EPHB1: variants seen among roughly 807,000 people sequenced by gnomAD.
EPHB1 encodes the protein ephrin type-B receptor 1.
In EPHB1, 30 loss-of-function variants were observed where a neutral mutation model predicts 94.4. The observed-to-expected ratio is 0.32, with a 90% CI of 0.24 to 0.43. The LOEUF is 0.43. EPHB1 is among the 20% of genes least tolerant of loss of function. The pLI is 1.00. For missense variants in EPHB1, 1,055 were observed against 1,308.3 expected, an observed-to-expected ratio of 0.81 and a Z score of 2.99; for synonymous variants, 522 against 489.1, an observed-to-expected ratio of 1.07 and a Z score of -0.89.
chr3:135,119,938 T>G lies in EPHB1; in HGVS notation c.962-12776T>G, dbSNP rs114437647. ...TTTCTTTTATTATATACTAACTGTTTGTGTATGTTTGTCTTTATTCTTTCT... is the reference window on the plus strand; with the variant it reads ...TTTCTTTTATTATATACTAACTGTTGGTGTATGTTTGTCTTTATTCTTTCT... On this transcript the variant is annotated intron_variant, in intron 4 of 15. Coordinates refer to ENST00000398015, the MANE Select transcript of EPHB1 (RefSeq NM_004441.5). 2.8e-3 allele frequency among the ~76,000 whole-genome samples: 424 copies of G among 152,340 alleles called. 4 individuals are homozygous for G. The highest frequency in any genetic ancestry group is 9.6e-3 in the African/African-American group (398 of 41,564).
intron 2 of EPHB1, among the ~76,000 whole-genome samples, chr3:134,934,370 A>G (rs1383135856): frequency 1.3e-5 from 2 of 152,126 alleles, no homozygotes; most frequent in Non-Finnish European, 2.9e-5. Flanking sequence ...CCCTCCTCCA[A>G]GTGATGGAAG....
chr3:135,155,596 G>C (rs1013912237), intron 6 of EPHB1, among the ~76,000 whole-genome samples: 1 of 151,930 alleles, frequency 6.6e-6, no homozygotes, highest in Non-Finnish European at 1.5e-5. Context: ...TGGCGCTCAG[G>C]AGTTCAAGAC....
intron 3 of EPHB1, among the ~76,000 whole-genome samples, chr3:135,058,345 T>C (rs1354179480): frequency 6.6e-6 from 1 of 152,174 alleles, no homozygotes; most frequent in Non-Finnish European, 1.5e-5. Flanking sequence ...GGTGGTGAGC[T>C]CTGCCCACCT....
chr3:134,888,061 C>G (rs1320881823), intron 1 of EPHB1, among the ~76,000 whole-genome samples: 1 of 152,180 alleles, frequency 6.6e-6, no homozygotes, highest in African/African-American at 2.4e-5. Flanking sequence ...AAGGCTCTAT[C>G]TCTGGTGCGG....
At chr3:135,056,289 G>A (rs551452259) in intron 3 of EPHB1, among the ~76,000 whole-genome samples, 8 of 152,274 alleles carry the variant, frequency 5.3e-5, no homozygotes, top group African/African-American at 1.7e-4. Context: ...ACCCTCCGTG[G>A]CCTCCTCTGC....
At chr3:135,125,156 G>T (rs1940148196) in intron 4 of EPHB1, among the ~76,000 whole-genome samples, 2 of 151,694 alleles carry the variant, frequency 1.3e-5, no homozygotes, top group South Asian at 4.1e-4. Flanking sequence ...TTACTTACCA[G>T]TCTGTCCACT....
At chr3:135,230,528 C>T (rs1316936853) in intron 12 of EPHB1, among the ~76,000 whole-genome samples, 1 of 152,190 alleles carries the variant, frequency 6.6e-6, no homozygotes, top group African/African-American at 2.4e-5. Flanking sequence ...GGAGAGAACA[C>T]ACCTGCACCA....
chr3:134,955,105 AT>A (rs1174011769), intron 3 of EPHB1, among the ~76,000 whole-genome samples: 572 of 24,226 alleles, frequency 0.024, 23 homozygotes, highest in Middle Eastern at 0.083. Context: ...TTTTTTTTTA[AT>A]TTTTTTTTTT....
intron 10 of EPHB1, among the ~76,000 whole-genome samples, chr3:135,181,550 G>A (rs1224327500): frequency 2.0e-5 from 3 of 152,124 alleles, no homozygotes; most frequent in East Asian, 1.9e-4. Flanking sequence ...CTGTTTGCTC[G>A]TGTTATTAAT....
At chr3:134,954,322 G>A (rs142603783) in intron 3 of EPHB1, among the ~76,000 whole-genome samples, 1 of 152,270 alleles carries the variant, frequency 6.6e-6, no homozygotes, top group East Asian at 1.9e-4. Context: ...ACTCTTTGGT[G>A]GGGGGTGGGA....
chr3:135,250,901 C>G (rs1055923162), intron 15 of EPHB1, among the ~76,000 whole-genome samples: 1 of 152,116 alleles, frequency 6.6e-6, no homozygotes, highest in African/African-American at 2.4e-5. Context: ...CTGGGATTCC[C>G]TCCTTGCAGC....
chr3:135,082,775 C>T (rs1347521892), intron 3 of EPHB1, among the ~76,000 whole-genome samples: 1 of 152,238 alleles, frequency 6.6e-6, no homozygotes, highest in Admixed American at 6.5e-5. Flanking sequence ...GAAAGTCTCA[C>T]TTGTCTAGTC....
At chr3:134,876,294 C>T (rs1258364854) in intron 1 of EPHB1, among the ~76,000 whole-genome samples, 2 of 152,222 alleles carry the variant, frequency 1.3e-5, no homozygotes, top group Non-Finnish European at 2.9e-5. Flanking sequence ...GATGTCCTTT[C>T]TTCCTCCTTC....
intron 1 of EPHB1, among the ~76,000 whole-genome samples, chr3:134,813,027 C>T (rs1465603002): frequency 2.6e-5 from 4 of 152,130 alleles, no homozygotes; most frequent in African/African-American, 7.2e-5. Context: ...ATTTGGGTTG[C>T]CCTGTTGTGC....
rs556041202 is a variant in EPHB1 at position 134,838,835 on chromosome 3, G to A, written c.58+43146G>A. ...CCTAATTACAAGAAAAGTAAATAAA[G>A]AGACTGCTTTCCAGAATGCAACTTT... On this transcript the variant is annotated intron_variant, in intron 1 of 15. Transcript: ENST00000398015. Among the ~76,000 whole-genome samples the A allele has an allele frequency of 2.6e-5, 4 of 152,294 alleles. No individual in the cohort carries two copies. In the South Asian group the frequency reaches 8.3e-4, roughly 32 times the overall value.
Position 135,156,431 on chromosome 3 carries a change from G to A in EPHB1, c.1422+2155G>A, listed in dbSNP as rs150707986. The stretch of plus-strand genomic sequence containing the variant: ...ATAGTGGGACATGACTGCACTGGCA[G>A]CAGAAGCCCTCGTTTCCAGTGCCCT... On this transcript the variant is annotated intron_variant, in intron 6 of 15. Transcript: ENST00000398015. Among the ~76,000 whole-genome samples the A allele has an allele frequency of 1.6e-4, 25 of 152,324 alleles. No homozygotes were observed. The East Asian group carries it at 4.6e-3, about 28-fold the overall frequency.
At chr3:135,085,726 T>A (rs1938338414) in intron 3 of EPHB1, among the ~76,000 whole-genome samples, 1 of 152,216 alleles carries the variant, frequency 6.6e-6, no homozygotes, top group Admixed American at 6.5e-5. Context: ...TTGCCCTCCT[T>A]GCCTCTGTCT....
intron 4 of EPHB1, among the ~76,000 whole-genome samples, chr3:135,110,174 C>T (rs1939383645): frequency 6.6e-6 from 1 of 152,214 alleles, no homozygotes; most frequent in Middle Eastern, 3.2e-3. Flanking sequence ...TGTTACATTG[C>T]TGACCACAAA....
At chr3:134,812,891 T>C (rs1198739520) in intron 1 of EPHB1, among the ~76,000 whole-genome samples, 2 of 152,218 alleles carry the variant, frequency 1.3e-5, no homozygotes, top group Admixed American at 6.5e-5. Flanking sequence ...ATATATATTC[T>C]CCGATGAAAT....
Sources: gnomAD v4.1 joint callset for allele counts (sites outside exome capture counted in the v4.1 genomes callset) on GRCh38, gnomAD v4.1.1 for gene constraint, MANE v1.5 for transcripts, NCBI Gene and HGNC (gene_info 2026-07-23, HGNC 2026-07-21) for gene names.